The following LANCL3 variants were observed in gnomAD, a reference collection of about 807,000 sequenced individuals.
The protein encoded by LANCL3 is lanC-like protein 3.
A neutral mutation model predicts 26.5 loss-of-function variants in LANCL3; 19 were observed. The observed-to-expected ratio is 0.72, with a 90% confidence interval of 0.50 to 1.05. The LOEUF (loss-of-function observed/expected upper bound fraction) is 1.05. Ranked by LOEUF, LANCL3 falls within the 50% of genes least tolerant of loss-of-function variation. The pLI is 0.00. For missense variants in LANCL3, 318 were observed against 362.7 expected (o/e 0.88, Z 1.00); for synonymous variants, 160 against 166.6 (o/e 0.96, Z 0.30).
chrX:37,623,615 ATTAT>A (rs1464519098), intron 1 of LANCL3, among the ~76,000 whole-genome samples: 1 of 112,208 alleles, frequency 8.9e-6, no homozygotes, highest in Non-Finnish European at 1.9e-5. Flanking sequence ...GTACTGTTCA[ATTAT>A]TTATTATATG....
chrX:37,628,380 C>T (rs1250010185), intron 1 of LANCL3, among the ~76,000 whole-genome samples: 1 of 110,698 alleles, frequency 9.0e-6, no homozygotes, highest in Non-Finnish European at 1.9e-5. Context: ...CAGAACTATC[C>T]TACATTAATG....
intron 3 of LANCL3, among the ~76,000 whole-genome samples, chrX:37,666,244 T>C (rs184159831): frequency 5.3e-5 from 6 of 112,282 alleles, no homozygotes; most frequent in Admixed American, 1.9e-4. Context: ...GTAGACATAT[T>C]TATATAGGCC....
chrX:37,598,037 G>A (rs1602101100), intron 1 of LANCL3, among the ~76,000 whole-genome samples: 1 of 110,538 alleles, frequency 9.0e-6, no homozygotes, highest in African/African-American at 3.3e-5. Context: ...AGTTGTAAGA[G>A]TTCTTTATAT....
intron 1 of LANCL3, among the ~76,000 whole-genome samples, chrX:37,655,329 G>A (rs1312473793): frequency 8.9e-6 from 1 of 111,941 alleles, no homozygotes; most frequent in Non-Finnish European, 1.9e-5. Flanking sequence ...TAACAGCTTT[G>A]TTAAGCATAA....
At chrX:37,662,174 G>A (rs1362034203) in intron 3 of LANCL3, among the ~76,000 whole-genome samples, 9 of 111,966 alleles carry the variant, frequency 8.0e-5, no homozygotes, top group Non-Finnish European at 1.7e-4. Context: ...TACCTTGTGT[G>A]GCATATAGCT....
At chrX:37,642,550 T>G (rs1194958007) in intron 1 of LANCL3, among the ~76,000 whole-genome samples, 1 of 110,669 alleles carries the variant, frequency 9.0e-6, no homozygotes, top group Non-Finnish European at 1.9e-5. Context: ...CACATATATA[T>G]TCAAGGCAGC....
intron 1 of LANCL3, among the ~76,000 whole-genome samples, chrX:37,641,031 T>C (rs1925848667): frequency 8.9e-6 from 1 of 111,856 alleles, no homozygotes; most frequent in Admixed American, 9.5e-5. Flanking sequence ...TTTTTAGATA[T>C]GCCATTTACA....
chrX:37,623,881 T>C (rs1258822034), intron 1 of LANCL3, among the ~76,000 whole-genome samples: 1 of 112,083 alleles, frequency 8.9e-6, no homozygotes, highest in African/African-American at 3.2e-5. Context: ...ATGCATACTG[T>C]ATATAACCTG....
chrX:37,661,507 A>T (rs782760318), intron 3 of LANCL3, among the ~76,000 whole-genome samples: 72 of 111,249 alleles, frequency 6.5e-4, no homozygotes, highest in African/African-American at 2.2e-3. Context: ...ATAAAAAACT[A>T]AGTGGGGCCC....
chrX:37,608,204 A>G, intron 1 of LANCL3, among the ~76,000 whole-genome samples: 1 of 112,175 alleles, frequency 8.9e-6, no homozygotes, highest in Non-Finnish European at 1.9e-5. Flanking sequence ...AGCAGAACAC[A>G]GAACAGAACT....
At chrX:37,623,420 A>G (rs1328625969) in intron 1 of LANCL3, among the ~76,000 whole-genome samples, 1 of 111,454 alleles carries the variant, frequency 9.0e-6, no homozygotes. Flanking sequence ...TCCTAGCTGA[A>G]AAACTGTCAT....
At position 37,662,565 on chromosome X, in the gene LANCL3, T is replaced by C. The variant is rs189818478; in HGVS notation, c.895+2906T>C. On this transcript the variant is annotated intron_variant, in intron 3 of 4. Coordinates refer to ENST00000378619, the MANE Select transcript of LANCL3 (RefSeq NM_001170331.2). ...CACAACCCAGAATGGACCTCAGTGG[T>C]GATTCTCCAGTGTGTTGAAGCTATA... is the stretch of plus-strand genomic sequence containing the variant. Among the ~76,000 whole-genome samples, 3 of 112,090 alleles carry C rather than the reference T, an allele frequency of 2.7e-5. No individual in the cohort carries two copies. The Admixed American group carries it at 2.8e-4, about 11-fold the overall frequency.
At chrX:37,586,859 G>T (rs1924101631) in intron 1 of LANCL3, among the ~76,000 whole-genome samples, 1 of 98,367 alleles carries the variant, frequency 1.0e-5, no homozygotes, top group South Asian at 4.4e-4. Flanking sequence ...TTCCTTTGGA[G>T]GAGGAGAGGC....
In LANCL3 at chrX:37,572,476, C is replaced by T. The variant is rs782024536; in HGVS notation, c.573+33C>T. The T allele has an allele frequency of 3.5e-5, 39 of 1,113,440 alleles. No individual in the cohort carries two copies. The South Asian group carries it at 6.5e-4, about 18-fold the overall frequency. 91.8% of individuals were successfully genotyped at this position (1,113,440 alleles called of 1,213,427 possible). ...GTAGCCCGGGCCGCGGGAGGGCGCT[C>T]GCCGCCTGCCCGGCCTCCTTTCCCC... On this transcript the variant is annotated intron_variant, in intron 1 of 4. Transcript: ENST00000378619.
intron 4 of LANCL3, 75 bp downstream of exon 4, chrX:37,667,564 C>A: frequency 2.6e-6 from 2 of 769,437 alleles, no homozygotes; most frequent in South Asian, 3.8e-5. Flanking sequence ...CTAATATAGT[C>A]ACATGGTTTG....
chrX:37,648,662 G>A (rs1269723491), intron 1 of LANCL3, among the ~76,000 whole-genome samples: 1 of 111,867 alleles, frequency 8.9e-6, no homozygotes, highest in Non-Finnish European at 1.9e-5. Flanking sequence ...ACTTTCATCA[G>A]AGTGAACAGG....
chrX:37,572,748 A>G (rs1310406861), intron 1 of LANCL3, among the ~76,000 whole-genome samples: 16 of 112,225 alleles, frequency 1.4e-4, no homozygotes, highest in Non-Finnish European at 2.8e-4. Flanking sequence ...CTTTCAAGTA[A>G]GATGAAAACC....
chrX:37,623,866 A>G lies in LANCL3; in HGVS notation c.574-31822A>G, dbSNP rs1476229738. On this transcript the variant is annotated intron_variant, in intron 1 of 4. Coordinates refer to ENST00000378619, the MANE Select transcript of LANCL3 (RefSeq NM_001170331.2). ...ATGAGCATGCATATGTGAATGGAAC[A>G]TGCTATGCATACTGTATATAACCTG... Among the ~76,000 whole-genome samples, 6 of 112,121 alleles carry G rather than the reference A, an allele frequency of 5.4e-5. 1 individual carries two copies. The highest frequency in any genetic ancestry group is 2.8e-4 in the Admixed American group (3 of 10,582).
intron 2 of LANCL3, among the ~76,000 whole-genome samples, 193 bp from the exon 3 acceptor site, chrX:37,659,269 G>T (rs1301193809): frequency 2.7e-5 from 3 of 112,646 alleles, no homozygotes; most frequent in Non-Finnish European, 5.6e-5. Context: ...AGAAAAACTG[G>T]CAGTGAGCCA....
Sources: gnomAD v4.1 joint callset for allele counts (sites outside exome capture counted in the v4.1 genomes callset) on GRCh38, gnomAD v4.1.1 for gene constraint, MANE v1.5 for transcripts, NCBI Gene and HGNC (gene_info 2026-07-23, HGNC 2026-07-21) for gene names.